Variants in OSBPL2 observed in about 807,000 individuals in gnomAD.
OSBPL2 encodes the protein oxysterol-binding protein-related protein 2.
A neutral mutation model predicts 58.4 loss-of-function variants in OSBPL2; 18 were observed. The observed-to-expected ratio is 0.31, with a 90% CI of 0.21 to 0.46. The LOEUF (loss-of-function observed/expected upper bound fraction) is 0.46. Among genes scored for constraint, OSBPL2 ranks in the 20% least tolerant of loss-of-function variants. OSBPL2 has a pLI of 1.00. For missense variants in OSBPL2, 461 were observed against 616.5 expected, an observed-to-expected ratio of 0.75 and a Z score of 2.67; for synonymous variants, 221 against 234.1, an observed-to-expected ratio of 0.94 and a Z score of 0.51.
chr20:62,273,287 C>G (rs770496065), intron 5 of OSBPL2, 22 bp from the exon 6 acceptor site: 8 of 1,588,012 alleles, frequency 5.0e-6, no homozygotes, highest in Admixed American at 1.7e-5. Flanking sequence ...CTGTGCCTGT[C>G]CCCCCCGTGG....
intron 7 of OSBPL2, 141 bp from the exon 8 acceptor site, chr20:62,280,917 C>T (rs914735804): frequency 3.0e-5 from 20 of 664,946 alleles, no homozygotes; most frequent in African/African-American, 2.5e-4. Context: ...CAGCCTCCGT[C>T]GCAGGGGCTT....
chr20:62,263,049 T>C (rs1162065504), intron 3 of OSBPL2, among the ~76,000 whole-genome samples: 1 of 152,048 alleles, frequency 6.6e-6, no homozygotes, highest in East Asian at 1.9e-4. Context: ...GGGCCCCGGG[T>C]CAGTGGTCCC....
intron 1 of OSBPL2, among the ~76,000 whole-genome samples, chr20:62,250,975 TG>T (rs1980485937): frequency 6.6e-6 from 1 of 151,458 alleles, no homozygotes; most frequent in Non-Finnish European, 1.5e-5. Flanking sequence ...GAGAATAAAA[TG>T]GTTTCTAATT....
In OSBPL2 at chr20:62,268,774, A is replaced by G. The variant is rs192870697; in HGVS notation, c.259-3351A>G. Among the ~76,000 whole-genome samples, 4 of 152,164 alleles carry G rather than the reference A, an allele frequency of 2.6e-5. No individual in the cohort carries two copies. The East Asian group carries it at 7.7e-4, about 29-fold the overall frequency. Reference sequence around the variant, plus strand: ...ACCACCATGCCCAGCTACTTTTAAAAAATTTTTTGGCAGTGGCTCACGCCT... The same window carrying G: ...ACCACCATGCCCAGCTACTTTTAAAGAATTTTTTGGCAGTGGCTCACGCCT... On this transcript the variant is annotated intron_variant, in intron 4 of 13. Coordinates refer to ENST00000313733, the MANE Select transcript of OSBPL2 (RefSeq NM_144498.4).
Position 62,281,865 on chromosome 20 carries a change from C to T in OSBPL2, c.858C>T (p.His286=), listed in dbSNP as rs552038236. The T allele has an allele frequency of 2.4e-5, 38 of 1,610,584 alleles. No homozygotes were observed. The East Asian group carries it at 4.7e-4, about 20-fold the overall frequency. Residue 286 remains histidine, a synonymous_variant, in exon 9 of 14, where the codon CAC becomes CAT. Transcript: ENST00000313733. ...FGKELHKVEG[H]IQDKNKKKLF... ...AAGAACTTCACAAGGTGGAAGGACA[C>T]ATTCAAGACAAAAAGTAGGTCCTTG...
chr20:62,264,188 C>T (rs913125942), intron 4 of OSBPL2, among the ~76,000 whole-genome samples: 2 of 152,052 alleles, frequency 1.3e-5, no homozygotes, highest in Non-Finnish European at 2.9e-5. Context: ...TGAAACGGGA[C>T]ATAAGAACCA....
intron 1 of OSBPL2, among the ~76,000 whole-genome samples, 184 bp from the exon 2 acceptor site, chr20:62,255,873 T>A (rs1229839761): frequency 6.6e-6 from 1 of 152,244 alleles, no homozygotes; most frequent in African/African-American, 2.4e-5. Flanking sequence ...TTGATTGATC[T>A]TCCGTTATAA....
chr20:62,266,992 C>T (rs750386184), intron 4 of OSBPL2, among the ~76,000 whole-genome samples: 3 of 152,196 alleles, frequency 2.0e-5, no homozygotes, highest in African/African-American at 4.8e-5. Context: ...CGACGGCTCA[C>T]GCCTATAATC....
chr20:62,289,829 C>T (rs1393286175), intron 12 of OSBPL2, among the ~76,000 whole-genome samples: 4 of 152,088 alleles, frequency 2.6e-5, no homozygotes, highest in Non-Finnish European at 5.9e-5. Context: ...CGCTTGTACC[C>T]AGGAGGTGGA....
intron 1 of OSBPL2, among the ~76,000 whole-genome samples, chr20:62,254,805 G>A (rs1390368300): frequency 1.3e-5 from 2 of 152,250 alleles, no homozygotes; most frequent in African/African-American, 4.8e-5. Context: ...AGACACTAAT[G>A]TGCATGAGTT....
chr20:62,259,813 C>G (rs937425096), intron 2 of OSBPL2, among the ~76,000 whole-genome samples, 168 bp from the exon 3 acceptor site: 5 of 152,226 alleles, frequency 3.3e-5, no homozygotes, highest in African/African-American at 1.2e-4. Flanking sequence ...CTCCTGTTCT[C>G]TCTGTACCGT....
At chr20:62,276,544 GT>G (rs992628134) in intron 6 of OSBPL2, among the ~76,000 whole-genome samples, 3 of 152,232 alleles carry the variant, frequency 2.0e-5, no homozygotes, top group Non-Finnish European at 4.4e-5. Context: ...CCAACTTTGT[GT>G]TTTTTGTCTG....
intron 9 of OSBPL2, chr20:62,282,129 T>G (rs763328910): frequency 1.1e-4 from 35 of 313,484 alleles, no homozygotes; most frequent in Non-Finnish European, 1.9e-4. Flanking sequence ...CCATCTTCTT[T>G]TGATAAAATT....
chr20:62,262,370 G>T (rs1430950742), intron 3 of OSBPL2, among the ~76,000 whole-genome samples: 1 of 152,154 alleles, frequency 6.6e-6, no homozygotes, highest in Admixed American at 6.5e-5. Context: ...TTGGCCTGGG[G>T]CCTCTTTTCT....
intron 11 of OSBPL2, among the ~76,000 whole-genome samples, chr20:62,287,604 GTGCCACCA>G (rs1383069829): frequency 6.6e-6 from 1 of 152,140 alleles, no homozygotes; most frequent in Non-Finnish European, 1.5e-5. Flanking sequence ...CCACAGGCGT[GTGCCACCA>G]TGCCAGACTA....
chr20:62,244,731 G>A (rs1382948554), intron 1 of OSBPL2, among the ~76,000 whole-genome samples: 2 of 152,256 alleles, frequency 1.3e-5, no homozygotes, highest in Non-Finnish European at 2.9e-5. Context: ...ACTGTGGTGA[G>A]TGGGGCGCTA....
chr20:62,290,434 T>TTTTG (rs1983425405), intron 12 of OSBPL2, among the ~76,000 whole-genome samples: 2 of 113,736 alleles, frequency 1.8e-5, no homozygotes, highest in Non-Finnish European at 3.7e-5. Context: ...TTTTTTTTTT[T>TTTTG]GAGACGGAGT....
rs150248359 is a variant in OSBPL2 at position 62,290,020 on chromosome 20, A to G, written c.1249+690A>G. Reference sequence around the variant, plus strand: ...ACATTTAGAAAACTGCACGTGTTCCACTGTGAGGATCCGTGTAGCCATCAG... The same window carrying G: ...ACATTTAGAAAACTGCACGTGTTCCGCTGTGAGGATCCGTGTAGCCATCAG... On this transcript the variant is annotated intron_variant, in intron 12 of 13. Transcript: ENST00000313733. Among the ~76,000 whole-genome samples, 146 of 152,362 alleles carry G rather than the reference A, an allele frequency of 9.6e-4. 1 individual carries two copies. The highest frequency in any genetic ancestry group is 3.4e-3 in the African/African-American group (140 of 41,592).
At chr20:62,283,279 T>G (rs537782508) in intron 9 of OSBPL2, among the ~76,000 whole-genome samples, 9 of 152,276 alleles carry the variant, frequency 5.9e-5, no homozygotes, top group African/African-American at 1.9e-4. Context: ...CCCCAGGCTG[T>G]CTACTAGGTG....
Sources: allele counts gnomAD v4.1 joint callset (sites outside exome capture counted in the v4.1 genomes callset), GRCh38; gene constraint gnomAD v4.1.1; transcripts MANE v1.5; gene names NCBI Gene and HGNC (gene_info 2026-07-23, HGNC 2026-07-21).